The following ARB2A variants were observed in gnomAD, a reference collection of about 807,000 sequenced individuals.
ARB2A encodes the protein ARB2 cotranscriptional regulator A, also known as cotranscriptional regulator ARB2A.
the ARB2A span, among the ~76,000 whole-genome samples, chr5:93,972,258 A>G: frequency 1.3e-5 from 2 of 152,092 alleles, no homozygotes; most frequent in African/African-American, 4.8e-5. Context: ...GAAATACACG[A>G]CCAATCAAAA....
At chr5:93,646,889 A>T in the ARB2A span, among the ~76,000 whole-genome samples, 2 of 152,198 alleles carry the variant, frequency 1.3e-5, no homozygotes, top group Non-Finnish European at 2.9e-5. Flanking sequence ...AATAGTTACC[A>T]CTTGAACATC....
the ARB2A span, among the ~76,000 whole-genome samples, chr5:93,925,116 TAC>T: frequency 1.3e-5 from 2 of 152,058 alleles, no homozygotes; most frequent in African/African-American, 4.8e-5. Context: ...CATAGAATAA[TAC>T]AGTTTAAATT....
chr5:93,929,813 T>C, the ARB2A span, among the ~76,000 whole-genome samples: 6 of 152,322 alleles, frequency 3.9e-5, no homozygotes, highest in East Asian at 1.2e-3. Context: ...TAGTCAGCAG[T>C]TATGTCACTT....
At chr5:94,002,220 T>TA in the ARB2A span, among the ~76,000 whole-genome samples, 24 of 151,882 alleles carry the variant, frequency 1.6e-4, no homozygotes, top group South Asian at 4.2e-4. Context: ...TAGACCTTCT[T>TA]AAAAAAAACA....
chr5:93,925,646 T>C, the ARB2A span, among the ~76,000 whole-genome samples: 21 of 152,296 alleles, frequency 1.4e-4, no homozygotes, highest in Non-Finnish European at 2.5e-4. Context: ...CCTGGTATTT[T>C]TGGACTATGG....
chr5:93,979,575 A>C, the ARB2A span, among the ~76,000 whole-genome samples: 2 of 152,116 alleles, frequency 1.3e-5, no homozygotes, highest in African/African-American at 4.8e-5. Flanking sequence ...ATATTTTTAC[A>C]AAAAAACCCT....
At chr5:94,079,702 T>C in the ARB2A span, among the ~76,000 whole-genome samples, 5 of 152,182 alleles carry the variant, frequency 3.3e-5, no homozygotes, top group Non-Finnish European at 7.4e-5. Context: ...CAGACTAAAG[T>C]TGTCAACCAA....
chr5:93,765,092 T>C, the ARB2A span, among the ~76,000 whole-genome samples: 2 of 152,216 alleles, frequency 1.3e-5, no homozygotes, highest in African/African-American at 4.8e-5. Context: ...AATATCATAC[T>C]GAATGGGCAA....
chr5:93,735,535 C>A, the ARB2A span: 8 of 152,156 alleles, frequency 5.3e-5, no homozygotes, highest in African/African-American at 1.9e-4. Flanking sequence ...GTTCACAACA[C>A]AATCAGAGTT....
the ARB2A span, among the ~76,000 whole-genome samples, chr5:94,040,006 C>G: frequency 6.6e-6 from 1 of 152,046 alleles, no homozygotes; most frequent in African/African-American, 2.4e-5. Context: ...AGCATCTCTC[C>G]TAAGACAGAG....
the ARB2A span, among the ~76,000 whole-genome samples, chr5:93,869,430 T>C: frequency 2.6e-5 from 4 of 152,180 alleles, no homozygotes; most frequent in East Asian, 1.9e-4. Context: ...TAGGAAGAGC[T>C]TGGCCTCAGA....
the ARB2A span, among the ~76,000 whole-genome samples, chr5:93,713,849 C>T: frequency 6.6e-6 from 1 of 152,124 alleles, no homozygotes. Flanking sequence ...TGTGGGTCCT[C>T]CTAAGAGAGG....
the ARB2A span, among the ~76,000 whole-genome samples, chr5:93,976,217 A>T: frequency 6.6e-6 from 1 of 152,140 alleles, no homozygotes; most frequent in Non-Finnish European, 1.5e-5. Flanking sequence ...TAAATCCAAC[A>T]TCCTTCATGA....
chr5:93,792,050 T>C, the ARB2A span, among the ~76,000 whole-genome samples: 1 of 151,878 alleles, frequency 6.6e-6, no homozygotes, highest in Non-Finnish European at 1.5e-5. Flanking sequence ...AAGGCGACTG[T>C]TTGAAAAACT....
At chr5:93,892,609 C>G in the ARB2A span, among the ~76,000 whole-genome samples, 1 of 152,080 alleles carries the variant, frequency 6.6e-6, no homozygotes, top group Non-Finnish European at 1.5e-5. Flanking sequence ...CCACACACCA[C>G]TGTGTCAGCT....
the ARB2A span, among the ~76,000 whole-genome samples, chr5:93,950,180 G>A: frequency 6.6e-6 from 1 of 152,156 alleles, no homozygotes; most frequent in Non-Finnish European, 1.5e-5. Context: ...ACATGGGAGT[G>A]CAGATATCTC....
At chr5:93,626,340 A>G in the ARB2A span, among the ~76,000 whole-genome samples, 1 of 152,234 alleles carries the variant, frequency 6.6e-6, no homozygotes, top group Non-Finnish European at 1.5e-5. Flanking sequence ...ACTGGTAAAC[A>G]GTAAAAAGAC....
At chr5:94,018,374 T>C in the ARB2A span, among the ~76,000 whole-genome samples, 3 of 152,208 alleles carry the variant, frequency 2.0e-5, no homozygotes, top group Non-Finnish European at 4.4e-5. Flanking sequence ...CAACTTACAT[T>C]TGCTGTGTTG....
chr5:93,741,774 C>T, the ARB2A span: 4 of 521,792 alleles, frequency 7.7e-6, no homozygotes, highest in East Asian at 1.2e-4. Flanking sequence ...CTGACCTTTG[C>T]TTCCAACTCC....
Sources: gnomAD v4.1 joint callset for allele counts (sites outside exome capture counted in the v4.1 genomes callset) on GRCh38, gnomAD v4.1.1 for gene constraint, MANE v1.5 for transcripts, NCBI Gene and HGNC (gene_info 2026-07-23, HGNC 2026-07-21) for gene names.